The following ARMC2 variants were observed in gnomAD, a reference collection of about 807,000 sequenced individuals.
ARMC2 encodes the protein armadillo repeat-containing protein 2.
ARMC2 carries 67 observed loss-of-function variants against 90.3 expected under a neutral mutation model. The observed-to-expected ratio is 0.74, with a 90% confidence interval of 0.61 to 0.91. The LOEUF is 0.91. Among genes scored for constraint, ARMC2 ranks in the 40% least tolerant of loss-of-function variants. ARMC2 has a pLI of 0.00. For synonymous variants in ARMC2, 393 were observed against 393.0 expected (o/e 1.00, Z 0.00); for missense variants, 920 against 1,030.9 (o/e 0.89, Z 1.47).
Position 108,973,280 on chromosome 6 carries a change from CAT to C in ARMC2, c.2447-74_2447-73del, listed in dbSNP as rs1778882653. 2.3e-6 allele frequency: 3 copies of C among 1,290,102 alleles called. No individual in the cohort carries two copies. In the Admixed American group the frequency reaches 7.6e-5, roughly 32 times the overall value. The allele number at this position is 1,290,102 out of a possible 1,614,324, so 79.9% of individuals were successfully genotyped here. ...AGGACGACCCAGGGTGAGTTTAACTCATATCATCAAAATTAAACTATATTCAA... is the reference window on the plus strand; with the variant it reads ...AGGACGACCCAGGGTGAGTTTAACTCATCATCAAAATTAAACTATATTCAA... On this transcript the variant is annotated intron_variant, in intron 17 of 17. Coordinates refer to ENST00000392644, the MANE Select transcript of ARMC2 (RefSeq NM_032131.6).
the ARMC2 span, among the ~76,000 whole-genome samples, chr6:109,039,545 T>C: frequency 3.2e-4 from 49 of 152,350 alleles, no homozygotes; most frequent in African/African-American, 1.1e-3. Context: ...TACTGAGTAC[T>C]GCCAGCAAGC....
At chr6:109,023,984 C>G in the ARMC2 span, among the ~76,000 whole-genome samples, 1 of 152,088 alleles carries the variant, frequency 6.6e-6, no homozygotes, top group African/African-American at 2.4e-5. Context: ...CACACACACA[C>G]ACCCTTAAAA....
chr6:109,042,970 C>T, the ARMC2 span, among the ~76,000 whole-genome samples: 3 of 151,960 alleles, frequency 2.0e-5, no homozygotes, highest in Non-Finnish European at 4.4e-5. Context: ...AACAGAATTC[C>T]ACAATGTATA....
At chr6:109,008,277 GATCT>G in the ARMC2 span, among the ~76,000 whole-genome samples, 5 of 152,148 alleles carry the variant, frequency 3.3e-5, no homozygotes, top group Non-Finnish European at 5.9e-5. Context: ...AAAGAGAAAA[GATCT>G]ATTATGACCC....
intron 12 of ARMC2, among the ~76,000 whole-genome samples, chr6:108,944,349 T>C (rs1366334548): frequency 6.6e-6 from 1 of 152,190 alleles, no homozygotes; most frequent in East Asian, 1.9e-4. Flanking sequence ...GATGGTACAT[T>C]AGTCTTTTCC....
chr6:109,001,422 C>T, the ARMC2 span: 2 of 1,613,762 alleles, frequency 1.2e-6, no homozygotes, highest in South Asian at 2.2e-5. Flanking sequence ...TCCAAACGGC[C>T]CAAAGCAGCA....
At chr6:108,929,635 A>G (rs932565998) in intron 11 of ARMC2, among the ~76,000 whole-genome samples, 1 of 152,072 alleles carries the variant, frequency 6.6e-6, no homozygotes, top group African/African-American at 2.4e-5. Context: ...GCACGCCAAC[A>G]TGCTCAGCTA....
the ARMC2 span, among the ~76,000 whole-genome samples, chr6:109,036,942 T>C: frequency 6.6e-6 from 1 of 152,240 alleles, no homozygotes; most frequent in African/African-American, 2.4e-5. Context: ...GGTTTACAGA[T>C]GTTTAAAAAC....
chr6:109,031,386 G>A, the ARMC2 span, among the ~76,000 whole-genome samples: 1 of 152,124 alleles, frequency 6.6e-6, no homozygotes, highest in African/African-American at 2.4e-5. Flanking sequence ...AAGAGGTAGT[G>A]CTACCATTCC....
At chr6:109,030,759 A>G in the ARMC2 span, among the ~76,000 whole-genome samples, 23 of 152,208 alleles carry the variant, frequency 1.5e-4, no homozygotes, top group Admixed American at 1.2e-3. Flanking sequence ...ATGGTCTACA[A>G]ATTAATTTCC....
chr6:109,006,557 G>C, the ARMC2 span, among the ~76,000 whole-genome samples: 1 of 151,722 alleles, frequency 6.6e-6, no homozygotes, highest in Non-Finnish European at 1.5e-5. Context: ...ACTAGTGAGT[G>C]GTGGAGACGG....
At chr6:108,915,111 C>A (rs1368395458) in intron 10 of ARMC2, among the ~76,000 whole-genome samples, 2 of 152,018 alleles carry the variant, frequency 1.3e-5, no homozygotes, top group Non-Finnish European at 2.9e-5. Context: ...CGCCACCACG[C>A]CTGGCTAATT....
At chr6:108,907,414 T>C (rs1276124482) in intron 8 of ARMC2, among the ~76,000 whole-genome samples, 2 of 151,720 alleles carry the variant, frequency 1.3e-5, no homozygotes, top group African/African-American at 4.8e-5. Context: ...AGGAATAATA[T>C]ATATTTCCAT....
At chr6:108,963,059 G>C (rs1429784923) in intron 15 of ARMC2, among the ~76,000 whole-genome samples, 1 of 152,036 alleles carries the variant, frequency 6.6e-6, no homozygotes, top group Non-Finnish European at 1.5e-5. Flanking sequence ...GAAAGAAAGG[G>C]ATGTCCAAAG....
At chr6:109,020,589 AT>A in the ARMC2 span, among the ~76,000 whole-genome samples, 1 of 152,024 alleles carries the variant, frequency 6.6e-6, no homozygotes, top group Non-Finnish European at 1.5e-5. Flanking sequence ...ATTCTATACA[AT>A]TTTTTCCTCT....
intron 17 of ARMC2, among the ~76,000 whole-genome samples, chr6:108,965,490 A>G (rs1778301831): frequency 6.6e-6 from 1 of 152,062 alleles, no homozygotes; most frequent in Non-Finnish European, 1.5e-5. Context: ...TACGGCTAAA[A>G]TCTACTCAAG....
At chr6:108,982,613 C>A in the ARMC2 span, among the ~76,000 whole-genome samples, 1 of 152,126 alleles carries the variant, frequency 6.6e-6, no homozygotes. Context: ...TCCAATTTCC[C>A]CACATCCTCA....
downstream of ARMC2, among the ~76,000 whole-genome samples, chr6:108,977,510 C>T (rs755938701): frequency 8.5e-5 from 13 of 152,160 alleles, no homozygotes; most frequent in Non-Finnish European, 1.2e-4. Flanking sequence ...ATGCTGGCCT[C>T]ATAAAATGAG....
chr6:108,898,978 TA>T (rs1381846428), intron 6 of ARMC2, among the ~76,000 whole-genome samples: 45 of 152,224 alleles, frequency 3.0e-4, no homozygotes, highest in Non-Finnish European at 8.8e-5. Flanking sequence ...GAAATGAAAT[TA>T]ATTATATACT....
Sources: allele counts gnomAD v4.1 joint callset (sites outside exome capture counted in the v4.1 genomes callset), GRCh38; gene constraint gnomAD v4.1.1; transcripts MANE v1.5; gene names NCBI Gene and HGNC (gene_info 2026-07-23, HGNC 2026-07-21).